SLC8A1: variants seen among roughly 807,000 people sequenced by gnomAD.
SLC8A1 encodes solute carrier family 8 member A1, also known as sodium/calcium exchanger 1.
SLC8A1 carries 18 observed loss-of-function variants against 68.3 expected under a neutral mutation model. That is an observed-to-expected ratio of 0.26 (90% CI 0.18 to 0.39). The LOEUF is 0.39. Ranked by LOEUF, SLC8A1 falls within the 10% of genes least tolerant of loss-of-function variation. The pLI is 1.00. For missense variants in SLC8A1, 985 were observed against 1,156.7 expected, an observed-to-expected ratio of 0.85 and a Z score of 2.15; for synonymous variants, 475 against 415.5, an observed-to-expected ratio of 1.14 and a Z score of -1.74.
intron 2 of SLC8A1, among the ~76,000 whole-genome samples, chr2:40,230,225 G>C (rs2059480642): frequency 6.6e-6 from 1 of 152,172 alleles, no homozygotes; most frequent in South Asian, 2.1e-4. Flanking sequence ...AAAGATTCTA[G>C]TTTTGCTAGA....
intron 2 of SLC8A1, among the ~76,000 whole-genome samples, chr2:40,389,732 C>A (rs1384290532): frequency 1.3e-5 from 2 of 151,284 alleles, no homozygotes; most frequent in African/African-American, 2.4e-5. Context: ...TGTGGGGAAG[C>A]AAAAGAAAGT....
At chr2:40,477,236 T>G (rs1363401920) in intron 1 of SLC8A1, among the ~76,000 whole-genome samples, 1 of 139,050 alleles carries the variant, frequency 7.2e-6, no homozygotes, top group Admixed American at 8.2e-5. Context: ...CCATGGTATC[T>G]GATATCTGAA....
intron 2 of SLC8A1, among the ~76,000 whole-genome samples, chr2:40,311,834 T>C (rs2073739311): frequency 6.6e-6 from 1 of 152,144 alleles, no homozygotes; most frequent in South Asian, 2.1e-4. Flanking sequence ...CTACAACAAA[T>C]ATCATTTTAG....
chr2:40,366,312 T>C (rs1676180948), intron 2 of SLC8A1, among the ~76,000 whole-genome samples: 1 of 152,092 alleles, frequency 6.6e-6, no homozygotes, highest in Admixed American at 6.6e-5. Context: ...CACATGGTAG[T>C]CACAAAATAA....
intron 3 of SLC8A1, among the ~76,000 whole-genome samples, chr2:40,176,317 C>T (rs1438242480): frequency 6.6e-6 from 1 of 152,150 alleles, no homozygotes; most frequent in Non-Finnish European, 1.5e-5. Flanking sequence ...TTTGCTGTTA[C>T]ATGAGAGCAT....
At chr2:40,177,462 T>G (rs1464472338) in intron 3 of SLC8A1, among the ~76,000 whole-genome samples, 1 of 152,214 alleles carries the variant, frequency 6.6e-6, no homozygotes, top group South Asian at 2.1e-4. Flanking sequence ...CCGTGAGTAG[T>G]GAAAAACTAA....
chr2:40,119,298 C>G (rs989850646), intron 7 of SLC8A1, among the ~76,000 whole-genome samples: 1 of 150,962 alleles, frequency 6.6e-6, no homozygotes, highest in Non-Finnish European at 1.5e-5. Flanking sequence ...GACATCAGGC[C>G]TTTTGTCTGT....
chr2:40,313,658 C>T (rs945748797), intron 2 of SLC8A1, among the ~76,000 whole-genome samples: 8 of 151,946 alleles, frequency 5.3e-5, no homozygotes, highest in African/African-American at 1.9e-4. Context: ...CCACCTCGGC[C>T]TCCCAAAATG....
At chr2:40,378,089 C>G (rs1047381704) in intron 2 of SLC8A1, among the ~76,000 whole-genome samples, 1 of 151,982 alleles carries the variant, frequency 6.6e-6, no homozygotes, top group Non-Finnish European at 1.5e-5. Flanking sequence ...GGTGATAAAT[C>G]AGTGAACAGA....
Position 40,429,072 on chromosome 2 carries a change from A to AT in SLC8A1, c.1208dup (p.Asn403LysfsTer2). 1 of 1,612,054 alleles carries AT rather than the reference A, an allele frequency of 6.2e-7. No individual in the cohort carries two copies. Among genetic ancestry groups the AT allele is most frequent in the Non-Finnish European group, 8.5e-7 (1 of 1,178,378 alleles). ...CAAAGAAGATCTTACTAACAGGGTC[A>AT]TTTTCAGTCACTTCAGTGTTGACCT... On this transcript the variant is annotated frameshift_variant, in exon 2 of 8. Coordinates refer to ENST00000406785, the Ensembl canonical transcript of SLC8A1. LOFTEE classifies it high-confidence loss of function.
chr2:40,427,812 T>A (rs1214050150), intron 2 of SLC8A1, among the ~76,000 whole-genome samples: 1 of 152,174 alleles, frequency 6.6e-6, no homozygotes, highest in Admixed American at 6.6e-5. Flanking sequence ...AGGGTTTGTT[T>A]AATAAGGATG....
intron 1 of SLC8A1, among the ~76,000 whole-genome samples, chr2:40,434,560 G>C (rs1699026089): frequency 6.6e-6 from 1 of 152,066 alleles, no homozygotes; most frequent in South Asian, 2.1e-4. Flanking sequence ...TAGAGACTGT[G>C]GATATGTTGA....
chr2:40,421,009 G>A (rs1207900617), intron 2 of SLC8A1, among the ~76,000 whole-genome samples: 1 of 152,038 alleles, frequency 6.6e-6, no homozygotes, highest in African/African-American at 2.4e-5. Flanking sequence ...AAGTCATACG[G>A]ATACTTTAAG....
chr2:40,350,253 G>A (rs1344306069), intron 2 of SLC8A1, among the ~76,000 whole-genome samples: 1 of 152,044 alleles, frequency 6.6e-6, no homozygotes, highest in Non-Finnish European at 1.5e-5. Flanking sequence ...AGGTTGAGTG[G>A]GAAGGATAGC....
At chr2:40,171,325 G>A (rs1267179121) in intron 4 of SLC8A1, among the ~76,000 whole-genome samples, 2 of 152,274 alleles carry the variant, frequency 1.3e-5, no homozygotes, top group South Asian at 2.1e-4. Context: ...TATGTGCTGA[G>A]CATAATAGGA....
At chr2:40,162,011 G>A (rs1239862210) in intron 5 of SLC8A1, among the ~76,000 whole-genome samples, 1 of 152,216 alleles carries the variant, frequency 6.6e-6, no homozygotes, top group South Asian at 2.1e-4. Flanking sequence ...TATCAAGCAT[G>A]TTTGCTCAAG....
intron 1 of SLC8A1, among the ~76,000 whole-genome samples, chr2:40,464,835 G>A (rs1298427046): frequency 6.6e-6 from 1 of 152,154 alleles, no homozygotes; most frequent in East Asian, 1.9e-4. Context: ...TGGAGGAGAT[G>A]CTGAGTAAAG....
At chr2:40,292,626 G>C (rs1200044311) in intron 2 of SLC8A1, among the ~76,000 whole-genome samples, 2 of 152,206 alleles carry the variant, frequency 1.3e-5, no homozygotes, top group African/African-American at 4.8e-5. Flanking sequence ...ACCCACAGGA[G>C]TGACTGTGAT....
chr2:40,318,601 C>T (rs2074789710), intron 2 of SLC8A1, among the ~76,000 whole-genome samples: 1 of 152,062 alleles, frequency 6.6e-6, no homozygotes, highest in Non-Finnish European at 1.5e-5. Flanking sequence ...CAAACTGCCT[C>T]CAACCATATG....
Sources: allele counts gnomAD v4.1 joint callset (sites outside exome capture counted in the v4.1 genomes callset), GRCh38; gene constraint gnomAD v4.1.1; transcripts MANE v1.5; gene names NCBI Gene and HGNC (gene_info 2026-07-23, HGNC 2026-07-21).